SRXN1: variants seen among roughly 807,000 people sequenced by gnomAD.
SRXN1 encodes the protein sulfiredoxin 1.
In SRXN1, 11 loss-of-function variants were observed where a neutral mutation model predicts 11.0. The observed-to-expected ratio is 1.00, with a 90% CI of 0.63 to 1.65. SRXN1 has a LOEUF of 1.65. Ranked by LOEUF, SRXN1 falls within the 40% of genes most tolerant of loss-of-function variation. SRXN1 has a pLI of 0.00. For synonymous variants in SRXN1, 106 were observed against 92.8 expected (o/e 1.14, Z -0.82); for missense variants, 211 against 194.5 (o/e 1.08, Z -0.50).
Position 648,752 on chromosome 20 carries a change from T to G in SRXN1, c.376A>C (p.Arg126=), listed in dbSNP as rs775672182. 4.3e-6 allele frequency: 7 copies of G among 1,614,244 alleles called. No individual in the cohort carries two copies. Among genetic ancestry groups the G allele is most frequent in the Non-Finnish European group, 5.9e-6 (7 of 1,180,036 alleles). The part of the protein sequence containing the change: ...KLVQSTLSDL[R]VYLGASTPDL... ...GGTGTGGATGCTCCCAGGTACACCC[T>G]TAGGTCTGAGAGAGTGGACTGGACA... The change falls in exon 2 of 2, where the codon AGG becomes CGG. Residue 126 remains arginine (R), a synonymous_variant. Coordinates refer to ENST00000381962, the MANE Select transcript of SRXN1 (RefSeq NM_080725.3).
In SRXN1 at chr20:653,127, T is replaced by TCGGGCGCCCCC; in HGVS notation, c.48_58dup (p.Glu20GlyfsTer31). 1 of 1,327,392 alleles carries TCGGGCGCCCCC rather than the reference T, an allele frequency of 7.5e-7. No homozygotes were observed. 82.2% of individuals were successfully genotyped at this position (1,327,392 alleles called of 1,614,324 possible). A position where few individuals can be genotyped will look rare whatever the true frequency, so the allele number is the denominator to read the frequency against. On this transcript the variant is annotated frameshift_variant, in exon 1 of 2. Coordinates refer to ENST00000381962, the MANE Select transcript of SRXN1 (RefSeq NM_080725.3). LOFTEE classifies it high-confidence loss of function. ...CGCGCCGCCGCTCGGCCCGGGCCCC[T>TCGGGCGCCCCC]CGGGCGCCCCCCGACCCGCGCCGGC...
At position 652,969 on chromosome 20, in the gene SRXN1, G is replaced by A. The variant is rs1442259248; in HGVS notation, c.210+7C>T. The stretch of plus-strand genomic sequence containing the variant: ...CCTCCGGTTGGCTGGACTCCCCGAG[G>A]CCTCACCCGGATCGTGTCCACGAGG... On this transcript the variant is annotated splice_region_variant and intron_variant, in intron 1 of 1. Transcript: ENST00000381962. 2.7e-6 allele frequency: 4 copies of A among 1,486,840 alleles called. No homozygotes were observed. Among genetic ancestry groups the A allele is most frequent in the South Asian group, 1.3e-5 (1 of 76,314 alleles). The allele number at this position is 1,486,840 out of a possible 1,614,324, so 92.1% of individuals were successfully genotyped here. A position where few individuals can be genotyped will look rare whatever the true frequency, so the allele number is the denominator to read the frequency against.
intron 1 of SRXN1, among the ~76,000 whole-genome samples, chr20:649,990 G>A (rs1983632717): frequency 6.6e-6 from 1 of 152,178 alleles, no homozygotes; most frequent in Non-Finnish European, 1.5e-5. Flanking sequence ...CCATGCAAAG[G>A]GAACAGCAAA....
intron 1 of SRXN1, among the ~76,000 whole-genome samples, chr20:651,113 G>C (rs898579823): frequency 2.0e-5 from 3 of 152,220 alleles, no homozygotes; most frequent in Admixed American, 1.3e-4. Context: ...TGAAGACAGA[G>C]GAAGAGGCCA....
intron 1 of SRXN1, 72 bp downstream of exon 1, chr20:652,904 G>T: frequency 7.6e-7 from 1 of 1,318,262 alleles, no homozygotes; most frequent in South Asian, 2.0e-5. Context: ...CCATCGCAGC[G>T]ACCTCCCTCC....
intron 1 of SRXN1, among the ~76,000 whole-genome samples, chr20:651,004 C>T (rs1746904827): frequency 6.6e-6 from 1 of 152,094 alleles, no homozygotes; most frequent in African/African-American, 2.4e-5. Flanking sequence ...CTAGATGGGT[C>T]GAATGCCATT....
At chr20:649,808 C>A (rs1983627921) in intron 1 of SRXN1, among the ~76,000 whole-genome samples, 1 of 152,106 alleles carries the variant, frequency 6.6e-6, no homozygotes, top group South Asian at 2.1e-4. Flanking sequence ...TTGGGCAATT[C>A]ATCTTTTTGT....
At position 647,365 on chromosome 20, in the gene SRXN1, C is replaced by T. The variant is rs1983558674; in HGVS notation, c.*1349G>A. 6.6e-6 allele frequency: 1 copy of T among 152,228 alleles called. No individual in the cohort carries two copies. The allele number at this position is 152,228 out of a possible 1,614,324, so 9.4% of individuals were successfully genotyped here. On this transcript the variant is annotated 3_prime_UTR_variant, in exon 2 of 2. Transcript: ENST00000381962. ...GATAGGTGAAAAATGGCCACAAGCT[C>T]TTTGTGGTTCCCCTCATCAAGACAT...
In SRXN1 at chr20:647,019, C is replaced by A. The variant is rs1983550965; in HGVS notation, c.*1695G>T. On this transcript the variant is annotated 3_prime_UTR_variant, in exon 2 of 2. Transcript: ENST00000381962. The stretch of plus-strand genomic sequence containing the variant: ...TTAAAAGTGCCGAGTGACCAAGTTC[C>A]CTTAGAGGGCAGTGAGAACAAGGCC... 6.6e-6 allele frequency: 1 copy of A among 152,206 alleles called. No individual in the cohort carries two copies. The highest frequency in any genetic ancestry group is 2.1e-4 in the South Asian group (1 of 4,832). 9.4% of individuals were successfully genotyped at this position (152,206 alleles called of 1,614,324 possible).
At position 648,468 on chromosome 20, in the gene SRXN1, C is replaced by G. The variant is rs1490099538; in HGVS notation, c.*246G>C. 2 of 648,416 alleles carry G rather than the reference C, an allele frequency of 3.1e-6. No individual in the cohort carries two copies. The highest frequency in any genetic ancestry group is 5.7e-6 in the Non-Finnish European group (2 of 352,054). 40.2% of individuals were successfully genotyped at this position (648,416 alleles called of 1,614,324 possible). A position where few individuals can be genotyped will look rare whatever the true frequency, so the allele number is the denominator to read the frequency against. The stretch of plus-strand genomic sequence containing the variant: ...GTGGCTCTTCAAGCCCATCTCTGTT[C>G]TCCTTCTCGGTAATGCTTCAAGGGT... On this transcript the variant is annotated 3_prime_UTR_variant, in exon 2 of 2. Coordinates refer to ENST00000381962, the MANE Select transcript of SRXN1 (RefSeq NM_080725.3).
intron 1 of SRXN1, among the ~76,000 whole-genome samples, chr20:650,363 C>T (rs1288164681): frequency 6.6e-6 from 1 of 151,444 alleles, no homozygotes; most frequent in Non-Finnish European, 1.5e-5. Context: ...GGGGCAGGCC[C>T]AAGGGGTCTG....
chr20:652,983 G>A lies in SRXN1; in HGVS notation c.203C>T (p.Thr68Met), dbSNP rs569563691. Residue 68 changes from threonine to methionine, a missense_variant, in exon 1 of 2, where the codon ACG becomes ATG. Thr to Met is a moderately conservative substitution (Grantham distance 81). Coordinates refer to ENST00000381962, the MANE Select transcript of SRXN1 (RefSeq NM_080725.3). ...GACTCCCCGAGGCCTCACCCGGATC[G>A]TGTCCACGAGGCTCTGCACCTTGGC... ...DPAKVQSLVD[T>M]IREDPDSVPP... The A allele has an allele frequency of 3.3e-6, 5 of 1,536,206 alleles. No homozygotes were observed. The highest frequency in any genetic ancestry group is 2.4e-5 in the South Asian group (2 of 81,744).
At position 648,621 on chromosome 20, in the gene SRXN1, C is replaced by T; in HGVS notation, c.*93G>A. On this transcript the variant is annotated 3_prime_UTR_variant, in exon 2 of 2. Coordinates refer to ENST00000381962, the MANE Select transcript of SRXN1 (RefSeq NM_080725.3). ...CCTCTCGCCAGGTGCAAAGAGAATG[C>T]ACCCCTGCTATCCCTTCTGCATGGC... is the stretch of plus-strand genomic sequence containing the variant. 1.4e-6 allele frequency: 2 copies of T among 1,402,684 alleles called. No homozygotes were observed. The highest frequency in any genetic ancestry group is 1.2e-5 in the South Asian group (1 of 81,272). 86.9% of individuals were successfully genotyped at this position (1,402,684 alleles called of 1,614,324 possible). A position where few individuals can be genotyped will look rare whatever the true frequency, so the allele number is the denominator to read the frequency against.
In SRXN1 at chr20:653,189, C is replaced by T. The variant is rs1460719113; in HGVS notation, c.-4G>A. 8.1e-7 allele frequency: 1 copy of T among 1,229,210 alleles called. No individual in the cohort carries two copies. Among genetic ancestry groups the T allele is most frequent in the African/African-American group, 1.6e-5 (1 of 62,514 alleles). The allele number at this position is 1,229,210 out of a possible 1,614,324, so 76.1% of individuals were successfully genotyped here. ...TTCCTCCTGCACGCAGCCCCATCGT[C>T]GCCGCCGCCGCGGGACTCGCCGCCT... On this transcript the variant is annotated 5_prime_UTR_variant, in exon 1 of 2. Transcript: ENST00000381962.
At chr20:652,947 C>A in intron 1 of SRXN1, 29 bp downstream of exon 1, 1 of 1,406,926 alleles carries the variant, frequency 7.1e-7, no homozygotes, top group Non-Finnish European at 9.4e-7. Context: ...AGCCCTCCCT[C>A]CGGTTGGCTG....
chr20:650,955 A>C (rs1983656360), intron 1 of SRXN1, among the ~76,000 whole-genome samples: 1 of 152,264 alleles, frequency 6.6e-6, no homozygotes, highest in Non-Finnish European at 1.5e-5. Context: ...GACAGAATTA[A>C]GGTAAGGATC....
chr20:650,112 A>G (rs976806650), intron 1 of SRXN1, among the ~76,000 whole-genome samples: 1 of 152,182 alleles, frequency 6.6e-6, no homozygotes, highest in South Asian at 2.1e-4. Context: ...CAGGAGCCAG[A>G]TGGTGCAGGT....
chr20:649,472 C>T (rs140901226), intron 1 of SRXN1, among the ~76,000 whole-genome samples: 3,696 of 152,120 alleles, frequency 0.024, 142 homozygotes, highest in African/African-American at 0.082. Context: ...GAGGCCGAGG[C>T]GGGTGGATCA....
At chr20:650,036 T>A (rs1484705169) in intron 1 of SRXN1, among the ~76,000 whole-genome samples, 1 of 152,124 alleles carries the variant, frequency 6.6e-6, no homozygotes, top group Non-Finnish European at 1.5e-5. Context: ...GTTCACTGTG[T>A]AGGAGGCACA....
Sources: allele counts gnomAD v4.1 joint callset (sites outside exome capture counted in the v4.1 genomes callset), GRCh38; gene constraint gnomAD v4.1.1; transcripts MANE v1.5; gene names NCBI Gene and HGNC (gene_info 2026-07-23, HGNC 2026-07-21).